The following PKP4 variants were observed in gnomAD, a reference collection of about 807,000 sequenced individuals.
PKP4 encodes plakophilin-4.
Under a neutral mutation model 145.1 loss-of-function variants are expected in PKP4, and 90 were observed. That is an observed-to-expected ratio of 0.62 (90% CI 0.52 to 0.74). The LOEUF (loss-of-function observed/expected upper bound fraction) is 0.74. PKP4 is among the 30% of genes least tolerant of loss of function. PKP4 has a pLI of 0.00. For synonymous variants in PKP4, 563 were observed against 577.2 expected (o/e 0.98, Z 0.35); for missense variants, 1,340 against 1,482.7 (o/e 0.90, Z 1.58).
At chr2:158,614,833 A>C (rs1331482465) in intron 4 of PKP4, among the ~76,000 whole-genome samples, 1 of 152,144 alleles carries the variant, frequency 6.6e-6, no homozygotes, top group Non-Finnish European at 1.5e-5. Context: ...AATAAAATAG[A>C]AATTGTCAAG....
intron 2 of PKP4, among the ~76,000 whole-genome samples, chr2:158,554,276 C>T (rs1371050596): frequency 2.0e-5 from 3 of 152,090 alleles, no homozygotes; most frequent in African/African-American, 7.2e-5. Flanking sequence ...CAGGTGACTT[C>T]AGTATCTACC....
intron 7 of PKP4, among the ~76,000 whole-genome samples, chr2:158,627,448 TG>T (rs1017478696): frequency 3.3e-5 from 5 of 152,056 alleles, no homozygotes; most frequent in Non-Finnish European, 7.4e-5. Context: ...CTTTATGTCT[TG>T]GGGGGAAAAT....
At chr2:158,555,909 GT>G (rs1262035313) in intron 2 of PKP4, among the ~76,000 whole-genome samples, 2 of 152,130 alleles carry the variant, frequency 1.3e-5, no homozygotes, top group Non-Finnish European at 2.9e-5. Flanking sequence ...ACTGAGCTTG[GT>G]TTTTTCCATA....
intron 1 of PKP4, among the ~76,000 whole-genome samples, chr2:158,459,887 G>A (rs928963953): frequency 6.6e-6 from 1 of 152,076 alleles, no homozygotes; most frequent in Non-Finnish European, 1.5e-5. Flanking sequence ...AGTTAGAAAT[G>A]CTTTCTATTT....
intron 12 of PKP4, chr2:158,658,518 G>T (rs1442577263): frequency 4.2e-6 from 2 of 471,960 alleles, no homozygotes; most frequent in Middle Eastern, 5.3e-4. Context: ...TCTTGTAAAT[G>T]ACTCTTCTGT....
At chr2:158,572,751 G>C (rs2047518665) in intron 2 of PKP4, among the ~76,000 whole-genome samples, 1 of 152,198 alleles carries the variant, frequency 6.6e-6, no homozygotes, top group African/African-American at 2.4e-5. Context: ...TAGGAAAAAG[G>C]TGTTTGTTAT....
intron 12 of PKP4, chr2:158,660,783 T>C (rs1378202968): frequency 1.3e-5 from 2 of 152,168 alleles, no homozygotes; most frequent in East Asian, 1.9e-4. Flanking sequence ...AAATTATATG[T>C]TTCCTCTGTT....
chr2:158,491,114 T>C (rs978608850), intron 1 of PKP4, among the ~76,000 whole-genome samples: 1 of 152,228 alleles, frequency 6.6e-6, no homozygotes, highest in African/African-American at 2.4e-5. Flanking sequence ...TTGTTGATTC[T>C]GACTGCAGTT....
At chr2:158,546,675 G>GA (rs2045074019) in intron 2 of PKP4, among the ~76,000 whole-genome samples, 1 of 152,132 alleles carries the variant, frequency 6.6e-6, no homozygotes, top group African/African-American at 2.4e-5. Context: ...GATAAGCATA[G>GA]AAAAACAGCA....
rs187394212 is a variant in PKP4 at position 158,626,164 on chromosome 2, G to A, written c.1153+737G>A. ...ACTATATGGGAAAATATTGAAATAAGTGAAAGCCTTTTACCCTCACCCAGT... is the reference window on the plus strand; with the variant it reads ...ACTATATGGGAAAATATTGAAATAAATGAAAGCCTTTTACCCTCACCCAGT... On this transcript the variant is annotated intron_variant, in intron 7 of 21. Transcript: ENST00000389759. Among the ~76,000 whole-genome samples, 340 of 152,328 alleles carry A rather than the reference G, an allele frequency of 2.2e-3. 2 individuals are homozygous for A. The highest frequency in any genetic ancestry group is 7.6e-3 in the African/African-American group (316 of 41,584).
intron 3 of PKP4, among the ~76,000 whole-genome samples, chr2:158,599,649 A>G (rs1254416683): frequency 2.0e-5 from 3 of 152,206 alleles, no homozygotes; most frequent in African/African-American, 7.2e-5. Context: ...GGTTGCAAAC[A>G]ATAGAATCTT....
chr2:158,522,823 C>T (rs545166600), intron 1 of PKP4, among the ~76,000 whole-genome samples: 215 of 152,176 alleles, frequency 1.4e-3, no homozygotes, highest in South Asian at 4.4e-3. Context: ...ACCTGGGAAG[C>T]GCAAGGGGTC....
At chr2:158,595,764 C>T (rs1242525197) in intron 3 of PKP4, among the ~76,000 whole-genome samples, 1 of 151,870 alleles carries the variant, frequency 6.6e-6, no homozygotes, top group African/African-American at 2.4e-5. Context: ...TAAATTTATC[C>T]TGTAACATTC....
At chr2:158,529,546 C>G (rs1275412923) in intron 1 of PKP4, among the ~76,000 whole-genome samples, 1 of 152,106 alleles carries the variant, frequency 6.6e-6, no homozygotes, top group Non-Finnish European at 1.5e-5. Context: ...TAATGTGCTG[C>G]CCTTATCTGG....
chr2:158,642,473 T>C lies in PKP4; in HGVS notation c.1696-13T>C. 4.4e-6 allele frequency: 7 copies of C among 1,579,996 alleles called. No homozygotes were observed. The highest frequency in any genetic ancestry group is 6.0e-6 in the Non-Finnish European group (7 of 1,157,954). ...TGTTACTTAGGCCTGGTACCTAATA[T>C]TTTTCATTCTAGGTGTGTAGGTTAG... On this transcript the variant is annotated splice_polypyrimidine_tract_variant and intron_variant, in intron 10 of 21. Transcript: ENST00000389759.
At chr2:158,537,240 T>C (rs80216007) in intron 2 of PKP4, among the ~76,000 whole-genome samples, 120 of 152,310 alleles carry the variant, frequency 7.9e-4, no homozygotes, top group Admixed American at 1.8e-3. Context: ...TGATAAAGGA[T>C]TTAAATTCAA....
chr2:158,465,194 A>G (rs1280107476), intron 1 of PKP4, among the ~76,000 whole-genome samples: 1 of 152,240 alleles, frequency 6.6e-6, no homozygotes, highest in African/African-American at 2.4e-5. Flanking sequence ...ATAAGCATGT[A>G]ACATTGTTTC....
chr2:158,592,434 C>G (rs3771632), intron 3 of PKP4, among the ~76,000 whole-genome samples: 78,217 of 151,832 alleles, frequency 0.52, 20,512 homozygotes, highest in South Asian at 0.69. Flanking sequence ...ATTCATTCCT[C>G]CTTCTGCACT....
chr2:158,540,507 A>G (rs554956083), intron 2 of PKP4, among the ~76,000 whole-genome samples: 1 of 152,224 alleles, frequency 6.6e-6, no homozygotes, highest in African/African-American at 2.4e-5. Flanking sequence ...ATAAGTAGAC[A>G]TATAAAGTTG....
Sources: gnomAD v4.1 joint callset for allele counts (sites outside exome capture counted in the v4.1 genomes callset) on GRCh38, gnomAD v4.1.1 for gene constraint, MANE v1.5 for transcripts, NCBI Gene and HGNC (gene_info 2026-07-23, HGNC 2026-07-21) for gene names.